ACSL3: variants seen among roughly 807,000 people sequenced by gnomAD.
ACSL3 encodes fatty acid CoA ligase Acsl3.
In ACSL3, 34 loss-of-function variants were observed where a neutral mutation model predicts 84.7. The observed-to-expected ratio is 0.40, with a 90% confidence interval of 0.31 to 0.53. ACSL3 has a LOEUF of 0.53. Among genes scored for constraint, ACSL3 ranks in the 20% least tolerant of loss-of-function variants. The pLI is 0.48. For missense variants in ACSL3, 680 were observed against 873.1 expected, an observed-to-expected ratio of 0.78 and a Z score of 2.79; for synonymous variants, 315 against 299.4, an observed-to-expected ratio of 1.05 and a Z score of -0.54.
chr2:222,941,721 T>C lies in ACSL3; in HGVS notation c.*67T>C. 2.0e-6 allele frequency: 3 copies of C among 1,483,702 alleles called. No homozygotes were observed. Among genetic ancestry groups the C allele is most frequent in the Admixed American group, 3.9e-5 (2 of 50,936 alleles). The allele number at this position is 1,483,702 out of a possible 1,614,324, so 91.9% of individuals were successfully genotyped here. On this transcript the variant is annotated 3_prime_UTR_variant, in exon 17 of 17. Coordinates refer to ENST00000357430, the MANE Select transcript of ACSL3 (RefSeq NM_004457.5). ...CAAATAGGAAAATACTTGAAATGCA[T>C]GTCTCAAGCTGCAAGGCAAACTCCA...
intron 11 of ACSL3, among the ~76,000 whole-genome samples, chr2:222,925,294 C>G (rs147945966): frequency 6.8e-6 from 1 of 146,552 alleles, no homozygotes; most frequent in Non-Finnish European, 1.5e-5. Context: ...GAGCCGAGAT[C>G]GTGCCACTGC....
intron 2 of ACSL3, among the ~76,000 whole-genome samples, chr2:222,900,046 C>T (rs1195181181): frequency 6.6e-6 from 1 of 152,166 alleles, no homozygotes; most frequent in Non-Finnish European, 1.5e-5. Context: ...GACAGTAATA[C>T]TCATTCTAAG....
At chr2:222,907,907 C>A (rs192618675) in intron 3 of ACSL3, among the ~76,000 whole-genome samples, 70 of 152,292 alleles carry the variant, frequency 4.6e-4, no homozygotes, top group African/African-American at 1.7e-3. Flanking sequence ...TGTAGCACCT[C>A]TCCAACGTTG....
intron 8 of ACSL3, among the ~76,000 whole-genome samples, 172 bp downstream of exon 8, chr2:222,921,602 A>G (rs1027409782): frequency 6.6e-6 from 1 of 152,210 alleles, no homozygotes; most frequent in African/African-American, 2.4e-5. Context: ...AAATAGTTAT[A>G]GTTGTGAGGT....
chr2:222,929,269 T>C (rs1383244087), intron 13 of ACSL3, among the ~76,000 whole-genome samples: 1 of 148,320 alleles, frequency 6.7e-6, no homozygotes, highest in African/African-American at 2.5e-5. Flanking sequence ...ATAAAATTTA[T>C]TTTATGAAAT....
chr2:222,877,522 A>G (rs762378660), intron 1 of ACSL3, among the ~76,000 whole-genome samples: 1 of 152,182 alleles, frequency 6.6e-6, no homozygotes, highest in Non-Finnish European at 1.5e-5. Context: ...TGTTGTTTTT[A>G]TTAGATACTA....
At chr2:222,865,599 A>T (rs946190407) in intron 1 of ACSL3, among the ~76,000 whole-genome samples, 3 of 152,210 alleles carry the variant, frequency 2.0e-5, no homozygotes, top group South Asian at 4.1e-4. Flanking sequence ...ATATTACAGG[A>T]TGGTATAATC....
chr2:222,930,167 C>T (rs1045999069), intron 13 of ACSL3, among the ~76,000 whole-genome samples: 2 of 151,924 alleles, frequency 1.3e-5, no homozygotes, highest in Admixed American at 6.6e-5. Context: ...TGACCTCAGG[C>T]GATCCACCCT....
At chr2:222,909,837 T>C (rs868641816) in intron 4 of ACSL3, 3 of 152,276 alleles carry the variant, frequency 2.0e-5, no homozygotes, top group Non-Finnish European at 4.4e-5. Flanking sequence ...GCTTTACATA[T>C]ATCATCTTAA....
chr2:222,881,574 T>C (rs1695592395), intron 1 of ACSL3, among the ~76,000 whole-genome samples: 1 of 152,290 alleles, frequency 6.6e-6, no homozygotes, highest in Admixed American at 6.5e-5. Flanking sequence ...TGGAGTGCAA[T>C]GGTGCGATCT....
chr2:222,929,508 G>T (rs1172683315), intron 13 of ACSL3, among the ~76,000 whole-genome samples: 2 of 152,118 alleles, frequency 1.3e-5, no homozygotes, highest in Non-Finnish European at 1.5e-5. Context: ...CTGGCCGGGC[G>T]CAGTGGCTCA....
chr2:222,903,176 G>A (rs1696198312), intron 3 of ACSL3, among the ~76,000 whole-genome samples: 1 of 151,924 alleles, frequency 6.6e-6, no homozygotes, highest in Non-Finnish European at 1.5e-5. Flanking sequence ...CTGGCTTCGT[G>A]GCCCAGGCCG....
chr2:222,921,997 A>ACACG (rs1485524516), intron 8 of ACSL3, among the ~76,000 whole-genome samples: 1 of 152,228 alleles, frequency 6.6e-6, no homozygotes, highest in Non-Finnish European at 1.5e-5. Flanking sequence ...TTACAAACAT[A>ACACG]CACGCACACA....
Position 222,933,300 on chromosome 2 carries a change from A to G in ACSL3, c.1847+20A>G. On this transcript the variant is annotated intron_variant, in intron 15 of 16. Coordinates refer to ENST00000357430, the MANE Select transcript of ACSL3 (RefSeq NM_004457.5). ...AAACAGGTAAGAACGTGGAATTCAT[A>G]CTACTTTTACTTAAAATATTTGATG... is the stretch of plus-strand genomic sequence containing the variant. The G allele has an allele frequency of 6.6e-7, 1 of 1,519,180 alleles. No homozygotes were observed. The highest frequency in any genetic ancestry group is 9.1e-7 in the Non-Finnish European group (1 of 1,101,408). The allele number at this position is 1,519,180 out of a possible 1,614,324, so 94.1% of individuals were successfully genotyped here.
rs3219912 is a variant in ACSL3, at chr2:222,865,794, C to CTGTGTGTGTGTGTG, written c.-207+4554_-207+4567dup. 2.8e-3 allele frequency among the ~76,000 whole-genome samples: 415 copies of CTGTGTGTGTGTGTG among 150,110 alleles called. 1 individual carries two copies. The highest frequency in any genetic ancestry group is 3.2e-3 in the Non-Finnish European group (215 of 67,424). On this transcript the variant is annotated intron_variant, in intron 1 of 16. Transcript: ENST00000357430. ...ATGTTTTACCTTGATTTTGGATCCT[C>CTGTGTGTGTGTGTG]TGTGTGTGTGTGTGTGTGTGTGTGT...
intron 1 of ACSL3, among the ~76,000 whole-genome samples, chr2:222,884,994 C>T (rs795881): frequency 0.98 from 149,702 of 152,350 alleles, 73,566 homozygotes; most frequent in East Asian, 1. Context: ...GTTTTTGCCA[C>T]GTTAAAGTGA....
At chr2:222,893,407 C>A (rs191589437) in intron 2 of ACSL3, among the ~76,000 whole-genome samples, 3 of 152,232 alleles carry the variant, frequency 2.0e-5, no homozygotes, top group Non-Finnish European at 2.9e-5. Context: ...AGACAGTGTA[C>A]ATGTCTTAGA....
rs1444879351 is a variant in ACSL3 at position 222,861,058 on chromosome 2, G to A, written c.-407G>A. ...AACAGACGCTGCTGTGGCTGCGCCG[G>A]GCTGCGACACTGCAGTTGTCTACGC... On this transcript the variant is annotated 5_prime_UTR_variant, in exon 1 of 17. Coordinates refer to ENST00000357430, the MANE Select transcript of ACSL3 (RefSeq NM_004457.5). 1 of 152,314 alleles carries A rather than the reference G, an allele frequency of 6.6e-6. No individual in the cohort carries two copies. The highest frequency in any genetic ancestry group is 2.4e-5 in the African/African-American group (1 of 41,468). 9.4% of individuals were successfully genotyped at this position (152,314 alleles called of 1,614,324 possible). A position where few individuals can be genotyped will look rare whatever the true frequency, so the allele number is the denominator to read the frequency against.
intron 2 of ACSL3, among the ~76,000 whole-genome samples, chr2:222,890,905 A>T (rs965932933): frequency 6.6e-6 from 1 of 152,186 alleles, no homozygotes. Context: ...AGCCTCCCAA[A>T]GTGTTGGGAT....
Sources: allele counts gnomAD v4.1 joint callset (sites outside exome capture counted in the v4.1 genomes callset), GRCh38; gene constraint gnomAD v4.1.1; transcripts MANE v1.5; gene names NCBI Gene and HGNC (gene_info 2026-07-23, HGNC 2026-07-21).